Variants in EYA1 observed in about 807,000 individuals in gnomAD.
EYA1 encodes EYA transcriptional coactivator and phosphatase 1.
Under a neutral mutation model 82.0 loss-of-function variants are expected in EYA1, and 16 were observed. The observed-to-expected ratio is 0.20, with a 90% CI of 0.13 to 0.30. The LOEUF (loss-of-function observed/expected upper bound fraction) is 0.30, where lower values mean the gene tolerates loss of function less well. Among genes scored for constraint, EYA1 ranks in the 10% least tolerant of loss-of-function variants. The pLI is 1.00. For synonymous variants in EYA1, 261 were observed against 264.4 expected (o/e 0.99, Z 0.12); for missense variants, 633 against 730.7 (o/e 0.87, Z 1.54).
chr8:71,454,219 A>T (rs1388887282), intron 2 of EYA1, among the ~76,000 whole-genome samples: 3 of 152,200 alleles, frequency 2.0e-5, no homozygotes, highest in Non-Finnish European at 1.5e-5. Flanking sequence ...AAGAAAAGCT[A>T]ACTATGCTAA....
chr8:71,542,580 G>C (rs1815228359), intron 1 of EYA1, among the ~76,000 whole-genome samples: 1 of 152,218 alleles, frequency 6.6e-6, no homozygotes, highest in South Asian at 2.1e-4. Flanking sequence ...TATATTCCCA[G>C]TAATGGGATT....
intron 1 of EYA1, among the ~76,000 whole-genome samples, chr8:71,536,043 A>G (rs949563404): frequency 2.6e-5 from 4 of 152,188 alleles, no homozygotes; most frequent in Admixed American, 6.5e-5. Context: ...AATGTGGCCA[A>G]ATTATAGCTC....
rs2305096 is a variant in EYA1 at position 71,269,674 on chromosome 8, A to C, written c.1050+66T>G. On this transcript the variant is annotated intron_variant, in intron 11 of 17. Transcript: ENST00000340726. ...TTAAAGTTAAATTACATTCATTTGG[A>C]TAATAAACAAATTAGAGGTATATTT... 1.2e-3 allele frequency: 1,320 copies of C among 1,123,948 alleles called. 19 individuals carry two copies. In the East Asian group the frequency reaches 0.029, roughly 25 times the overall value. 69.6% of individuals were successfully genotyped at this position (1,123,948 alleles called of 1,614,324 possible).
At chr8:71,272,193 C>T (rs1816628862) in intron 9 of EYA1, among the ~76,000 whole-genome samples, 1 of 152,094 alleles carries the variant, frequency 6.6e-6, no homozygotes, top group South Asian at 2.1e-4. Context: ...AGAACGCTCC[C>T]CATGCCTTTC....
chr8:71,273,438 T>C (rs1328657608), intron 9 of EYA1, among the ~76,000 whole-genome samples: 1 of 152,214 alleles, frequency 6.6e-6, no homozygotes, highest in Non-Finnish European at 1.5e-5. Flanking sequence ...AATAGTCTTT[T>C]ATTACAGAGG....
chr8:71,250,852 G>T (rs2128915706), intron 11 of EYA1, among the ~76,000 whole-genome samples: 1 of 152,200 alleles, frequency 6.6e-6, no homozygotes, highest in African/African-American at 2.4e-5. Flanking sequence ...GCAATAAATA[G>T]AGAATATTTC....
intron 17 of EYA1, among the ~76,000 whole-genome samples, 188 bp from the exon 18 acceptor site, chr8:71,199,608 G>A (rs1806682204): frequency 6.6e-6 from 1 of 152,312 alleles, no homozygotes. Context: ...ACTGGACTGA[G>A]TTGTAAAATG....
chr8:71,300,476 T>G (rs1820084471), intron 7 of EYA1, among the ~76,000 whole-genome samples: 1 of 152,106 alleles, frequency 6.6e-6, no homozygotes, highest in Non-Finnish European at 1.5e-5. Flanking sequence ...TTTAAGAAGG[T>G]AAGATCAGGG....
At chr8:71,322,957 G>C (rs1822751326) in intron 4 of EYA1, among the ~76,000 whole-genome samples, 1 of 151,998 alleles carries the variant, frequency 6.6e-6, no homozygotes, top group African/African-American at 2.4e-5. Context: ...TTTTTAAAGA[G>C]GTATTTAAGC....
chr8:71,286,535 G>A lies in EYA1; in HGVS notation c.826+12512C>T, dbSNP rs1180418236. ...GTGGCAGTGAGGTAAGAGGGTATGCGAAGGTGTTATTGCTTGGTTGAGTGG... is the reference window on the plus strand; with the variant it reads ...GTGGCAGTGAGGTAAGAGGGTATGCAAAGGTGTTATTGCTTGGTTGAGTGG... On this transcript the variant is annotated intron_variant, in intron 9 of 17. Transcript: ENST00000340726. Among the ~76,000 whole-genome samples the A allele has an allele frequency of 3.9e-5, 6 of 152,300 alleles. No homozygotes were observed. In the East Asian group the frequency reaches 9.7e-4, roughly 25 times the overall value.
At chr8:71,511,122 T>C (rs941270294) in intron 2 of EYA1, among the ~76,000 whole-genome samples, 1 of 152,070 alleles carries the variant, frequency 6.6e-6, no homozygotes, top group Non-Finnish European at 1.5e-5. Context: ...AACTGCCCTA[T>C]ACATAAAGGC....
At chr8:71,209,588 C>CTTCA (rs1436483310) in intron 17 of EYA1, among the ~76,000 whole-genome samples, 15 of 152,176 alleles carry the variant, frequency 9.9e-5, no homozygotes, top group Admixed American at 4.6e-4. Context: ...ACTAGGCCAT[C>CTTCA]TTCAGAGCCT....
At position 71,417,808 on chromosome 8, in the gene EYA1, A is replaced by G. The variant is rs146723450; in HGVS notation, c.34-61297T>C. On this transcript the variant is annotated intron_variant, in intron 2 of 18. Coordinates refer to the EYA1 transcript ENST00000643681. ...TGACCCATGTTTTTGACAGTCCAAA[A>G]TATAACTCTATCTTGATATCTAGAG... Among the ~76,000 whole-genome samples the G allele has an allele frequency of 9.0e-4, 137 of 152,312 alleles. 1 individual carries two copies. The highest frequency in any genetic ancestry group is 3.2e-3 in the African/African-American group (133 of 41,570).
At chr8:71,315,954 G>T (rs1821882652) in intron 7 of EYA1, among the ~76,000 whole-genome samples, 1 of 151,942 alleles carries the variant, frequency 6.6e-6, no homozygotes, top group Admixed American at 6.6e-5. Flanking sequence ...ATTGTAGTTT[G>T]CCATACAGGA....
chr8:71,325,488 T>G (rs1403219623), intron 4 of EYA1, among the ~76,000 whole-genome samples: 1 of 152,220 alleles, frequency 6.6e-6, no homozygotes, highest in Non-Finnish European at 1.5e-5. Flanking sequence ...GGGCCTGGTA[T>G]GTGGTAGAGG....
At chr8:71,206,350 T>C (rs987865036) in intron 17 of EYA1, among the ~76,000 whole-genome samples, 1 of 152,052 alleles carries the variant, frequency 6.6e-6, no homozygotes, top group Admixed American at 6.5e-5. Flanking sequence ...GCCTCTCCAG[T>C]AGCTTAGGAC....
chr8:71,287,604 G>A (rs1818528701), intron 9 of EYA1, among the ~76,000 whole-genome samples: 1 of 152,130 alleles, frequency 6.6e-6, no homozygotes, highest in Non-Finnish European at 1.5e-5. Context: ...ACTGGTTTAA[G>A]CTCCCCACAG....
chr8:71,407,737 T>A (rs2129135808), intron 2 of EYA1, among the ~76,000 whole-genome samples: 1 of 128,518 alleles, frequency 7.8e-6, no homozygotes, highest in South Asian at 2.6e-4. Context: ...ACACCAAATC[T>A]ACATCTGATT....
At chr8:71,540,360 A>G (rs1005135789) in intron 1 of EYA1, among the ~76,000 whole-genome samples, 1 of 152,216 alleles carries the variant, frequency 6.6e-6, no homozygotes, top group Admixed American at 6.5e-5. Flanking sequence ...AAAATAAGCA[A>G]TAGCACCCCA....
Sources: gnomAD v4.1 joint callset for allele counts (sites outside exome capture counted in the v4.1 genomes callset) on GRCh38, gnomAD v4.1.1 for gene constraint, MANE v1.5 for transcripts, NCBI Gene and HGNC (gene_info 2026-07-23, HGNC 2026-07-21) for gene names.